CNTNAP2: variants seen among roughly 807,000 people sequenced by gnomAD.
The protein encoded by CNTNAP2 is contactin-associated protein-like 2.
Under a neutral mutation model 155.2 loss-of-function variants are expected in CNTNAP2, and 98 were observed. The ratio of observed to expected loss-of-function variants is 0.63; its 90% CI spans 0.54 to 0.75. CNTNAP2 has a LOEUF of 0.75. Ranked by LOEUF, CNTNAP2 falls within the 30% of genes least tolerant of loss-of-function variation. The pLI, the probability that CNTNAP2 is intolerant of heterozygous loss-of-function variation, is 0.00. For synonymous variants in CNTNAP2, 651 were observed against 631.2 expected (o/e 1.03, Z -0.47); for missense variants, 1,727 against 1,688.1 (o/e 1.02, Z -0.40).
At chr7:147,300,572 C>A (rs1794929986) in intron 9 of CNTNAP2, among the ~76,000 whole-genome samples, 1 of 152,140 alleles carries the variant, frequency 6.6e-6, no homozygotes, top group African/African-American at 2.4e-5. Context: ...CCTCAAAAGT[C>A]AGGTCCTTGG....
chr7:147,864,964 T>A (rs1417677444), intron 13 of CNTNAP2, among the ~76,000 whole-genome samples: 2 of 152,224 alleles, frequency 1.3e-5, no homozygotes, highest in African/African-American at 4.8e-5. Context: ...CAACACTATG[T>A]TGAATAGGAG....
At chr7:147,739,249 C>G (rs1796914619) in intron 13 of CNTNAP2, among the ~76,000 whole-genome samples, 1 of 149,960 alleles carries the variant, frequency 6.7e-6, no homozygotes, top group South Asian at 2.2e-4. Flanking sequence ...TATACTTTTA[C>G]AAATCTAATT....
Position 146,712,385 on chromosome 7 carries a change from C to CTATATAGTAGACATA in CNTNAP2, c.98-61880_98-61879insGTAGACATATATATA, listed in dbSNP as rs1232637853. Among the ~76,000 whole-genome samples the CTATATAGTAGACATA allele has an allele frequency of 7.3e-4, 94 of 129,476 alleles. 1 individual carries two copies. The highest frequency in any genetic ancestry group is 2.8e-3 in the African/African-American group (90 of 31,978). The allele number at this position is 129,476 out of a possible 152,430, so 84.9% of individuals were successfully genotyped here. A position where few individuals can be genotyped will look rare whatever the true frequency, so the allele number is the denominator to read the frequency against. On this transcript the variant is annotated intron_variant, in intron 1 of 23. Coordinates refer to ENST00000361727, the MANE Select transcript of CNTNAP2 (RefSeq NM_014141.6). ...ATATAGTATACATATCTTATGTATA[C>CTATATAGTAGACATA]TATATATATAAATAAAATAAAAAAC...
chr7:146,964,586 G>A (rs1797620003), intron 3 of CNTNAP2, among the ~76,000 whole-genome samples: 1 of 152,158 alleles, frequency 6.6e-6, no homozygotes, highest in Admixed American at 6.5e-5. Context: ...ACCTGGAACT[G>A]GACTCAGAGG....
rs182363110 is a variant in CNTNAP2 at position 148,242,200 on chromosome 7, T to C, written c.3381+12421T>C. Among the ~76,000 whole-genome samples the C allele has an allele frequency of 1.8e-3, 272 of 152,334 alleles. 3 individuals carry two copies. The highest frequency in any genetic ancestry group is 6.6e-4 in the Non-Finnish European group (45 of 68,034). On this transcript the variant is annotated intron_variant, in intron 20 of 23. Transcript: ENST00000361727. ...AGTGCACTAAAATCACTCTCAAAGA[T>C]TGTAACTCTTGGAGCAAATTTTTAG...
chr7:148,419,443 G>GT lies in CNTNAP2; in HGVS notation c.*3831dup, dbSNP rs1800066612. On this transcript the variant is annotated 3_prime_UTR_variant, in exon 24 of 24. Coordinates refer to ENST00000361727, the MANE Select transcript of CNTNAP2 (RefSeq NM_014141.6). Reference sequence around the variant, plus strand: ...GCTTTTTTTTGTTGTTTTTTGTTTTGTTTTGAGACGGAGTCTTGCTCTGTC... The same window carrying GT: ...GCTTTTTTTTGTTGTTTTTTGTTTTGTTTTTGAGACGGAGTCTTGCTCTGTC... The GT allele has an allele frequency of 6.6e-6, 1 of 151,524 alleles. No homozygotes were observed. The highest frequency in any genetic ancestry group is 1.5e-5 in the Non-Finnish European group (1 of 68,122). The allele number at this position is 151,524 out of a possible 1,614,324, so 9.4% of individuals were successfully genotyped here.
At chr7:146,136,790 A>T (rs1206683866) in intron 1 of CNTNAP2, among the ~76,000 whole-genome samples, 1 of 152,140 alleles carries the variant, frequency 6.6e-6, no homozygotes, top group Admixed American at 6.6e-5. Flanking sequence ...CGGCCCTCTC[A>T]TTCAATATCC....
chr7:146,259,937 C>T (rs1393773620), intron 1 of CNTNAP2, among the ~76,000 whole-genome samples: 1 of 152,224 alleles, frequency 6.6e-6, no homozygotes, highest in African/African-American at 2.4e-5. Context: ...CCCCTCCCAT[C>T]ACAGACCTGT....
intron 1 of CNTNAP2, among the ~76,000 whole-genome samples, chr7:146,147,990 CAGAATTCCT>C (rs1797980344): frequency 6.6e-6 from 1 of 152,084 alleles, no homozygotes; most frequent in African/African-American, 2.4e-5. Context: ...ATATGAATTG[CAGAATTCCT>C]AGAAAGAAAA....
intron 15 of CNTNAP2, among the ~76,000 whole-genome samples, chr7:147,985,091 G>A (rs553068537): frequency 6.6e-6 from 1 of 150,568 alleles, no homozygotes; most frequent in South Asian, 2.1e-4. Flanking sequence ...CTCCAGCCTG[G>A]GTGACAGAGC....
At chr7:146,747,320 T>C (rs894458436) in intron 1 of CNTNAP2, among the ~76,000 whole-genome samples, 1 of 152,172 alleles carries the variant, frequency 6.6e-6, no homozygotes, top group African/African-American at 2.4e-5. Flanking sequence ...TAAGAGAGAT[T>C]AAGGATATGG....
chr7:146,137,204 C>A (rs968115389), intron 1 of CNTNAP2, among the ~76,000 whole-genome samples: 5 of 152,036 alleles, frequency 3.3e-5, no homozygotes, highest in African/African-American at 1.2e-4. Flanking sequence ...TTTTATATTT[C>A]GATTTGCTCT....
chr7:146,482,606 G>C (rs1171783232), intron 1 of CNTNAP2, among the ~76,000 whole-genome samples: 1 of 151,826 alleles, frequency 6.6e-6, no homozygotes, highest in Non-Finnish European at 1.5e-5. Context: ...AGCTGGGCGT[G>C]GTGGCACACA....
intron 10 of CNTNAP2, among the ~76,000 whole-genome samples, chr7:147,476,915 G>C (rs901026947): frequency 7.6e-6 from 1 of 132,096 alleles, no homozygotes; most frequent in African/African-American, 3.0e-5. Flanking sequence ...GTGACAGAGC[G>C]AGACTCTGTC....
intron 9 of CNTNAP2, among the ~76,000 whole-genome samples, chr7:147,311,532 C>T (rs1416375851): frequency 1.3e-5 from 2 of 152,148 alleles, no homozygotes; most frequent in African/African-American, 4.8e-5. Context: ...TGGTAAGCAT[C>T]TGTGGACCCT....
intron 3 of CNTNAP2, among the ~76,000 whole-genome samples, chr7:147,012,088 T>C (rs969287626): frequency 6.6e-6 from 1 of 152,234 alleles, no homozygotes; most frequent in Non-Finnish European, 1.5e-5. Flanking sequence ...AATATATTTG[T>C]GATGCTTTTC....
intron 12 of CNTNAP2, among the ~76,000 whole-genome samples, chr7:147,607,733 G>A (rs895847211): frequency 2.0e-5 from 3 of 152,114 alleles, no homozygotes; most frequent in African/African-American, 7.2e-5. Flanking sequence ...CTGCATCAAA[G>A]CTTTTCAGGT....
intron 14 of CNTNAP2, among the ~76,000 whole-genome samples, chr7:147,904,046 G>A (rs1799918579): frequency 6.6e-6 from 1 of 152,176 alleles, no homozygotes; most frequent in Admixed American, 6.5e-5. Flanking sequence ...GATGGCTGGG[G>A]GCGGGAAGCC....
chr7:146,687,345 A>T (rs2129170944), intron 1 of CNTNAP2, among the ~76,000 whole-genome samples: 1 of 152,268 alleles, frequency 6.6e-6, no homozygotes, highest in Admixed American at 6.5e-5. Flanking sequence ...AATACACAGA[A>T]AGAGAAAAGT....
Sources: gnomAD v4.1 joint callset for allele counts (sites outside exome capture counted in the v4.1 genomes callset) on GRCh38, gnomAD v4.1.1 for gene constraint, MANE v1.5 for transcripts, NCBI Gene and HGNC (gene_info 2026-07-23, HGNC 2026-07-21) for gene names.